The following CBLB variants were observed in gnomAD, a reference collection of about 807,000 sequenced individuals.
CBLB encodes the protein E3 ubiquitin-protein ligase CBL-B.
CBLB carries 31 observed loss-of-function variants against 104.9 expected under a neutral mutation model. The ratio of observed to expected loss-of-function variants is 0.30; its 90% CI spans 0.22 to 0.40. CBLB has a LOEUF of 0.40. CBLB is among the 10% of genes least tolerant of loss of function. The pLI is 1.00. For synonymous variants in CBLB, 440 were observed against 422.6 expected (o/e 1.04, Z -0.51); for missense variants, 1,062 against 1,214.6 (o/e 0.87, Z 1.87).
chr3:105,733,812 A>C (rs568859789), intron 9 of CBLB, among the ~76,000 whole-genome samples, 197 bp downstream of exon 9: 4 of 152,334 alleles, frequency 2.6e-5, no homozygotes, highest in African/African-American at 9.6e-5. Flanking sequence ...TAATATAATA[A>C]AATTTATACA....
At chr3:105,860,376 G>A (rs2091991189) in intron 2 of CBLB, among the ~76,000 whole-genome samples, 1 of 152,178 alleles carries the variant, frequency 6.6e-6, no homozygotes, top group Admixed American at 6.5e-5. Flanking sequence ...ATATGGAAGT[G>A]GAGGAGGGGA....
intron 3 of CBLB, 87 bp from the exon 4 acceptor site, chr3:105,776,629 A>G (rs1180925195): frequency 8.2e-7 from 1 of 1,220,704 alleles, no homozygotes; most frequent in Non-Finnish European, 1.2e-6. Context: ...TAAGACAAAC[A>G]ATGTTATGTA....
At chr3:105,689,788 A>G (rs2067445610) in intron 13 of CBLB, among the ~76,000 whole-genome samples, 1 of 151,922 alleles carries the variant, frequency 6.6e-6, no homozygotes, top group African/African-American at 2.4e-5. Context: ...AAAAATAATT[A>G]CCCATGTTTC....
chr3:105,869,244 C>T, upstream of CBLB: 1 of 693,000 alleles, frequency 1.4e-6, no homozygotes, highest in Admixed American at 2.3e-5. Context: ...GAATTGGACT[C>T]GGAGAGAAAT....
intron 13 of CBLB, among the ~76,000 whole-genome samples, chr3:105,685,941 T>A (rs2066944880): frequency 6.6e-6 from 1 of 152,154 alleles, no homozygotes; most frequent in Admixed American, 6.5e-5. Flanking sequence ...TGGAAAAATA[T>A]CCAGTTTAAT....
At chr3:105,840,519 A>C (rs2089385823) in intron 3 of CBLB, among the ~76,000 whole-genome samples, 1 of 152,220 alleles carries the variant, frequency 6.6e-6, no homozygotes, top group South Asian at 2.1e-4. Context: ...TCCCGAAACA[A>C]AGTTGAAAAA....
intron 4 of CBLB, among the ~76,000 whole-genome samples, chr3:105,754,864 T>A (rs1430845320): frequency 6.6e-6 from 1 of 152,198 alleles, no homozygotes; most frequent in Non-Finnish European, 1.5e-5. Flanking sequence ...GACTTTTTGT[T>A]AAAGTGATAG....
chr3:105,679,327 T>A (rs368528214), intron 16 of CBLB, among the ~76,000 whole-genome samples: 1 of 129,646 alleles, frequency 7.7e-6, no homozygotes, highest in Admixed American at 8.5e-5. Flanking sequence ...TTTCATTACC[T>A]TGAGTCTTTA....
chr3:105,854,751 GC>G (rs1577901723), intron 2 of CBLB, among the ~76,000 whole-genome samples: 1 of 152,138 alleles, frequency 6.6e-6, no homozygotes, highest in East Asian at 1.9e-4. Flanking sequence ...TCCTGCCTCA[GC>G]CTCCCAAGTA....
chr3:105,746,124 A>C (rs1331433646), intron 5 of CBLB, 86 bp from the exon 6 acceptor site: 2 of 911,626 alleles, frequency 2.2e-6, no homozygotes, highest in African/African-American at 3.4e-5. Context: ...TAATACACTT[A>C]ACATTATCTT....
chr3:105,860,938 G>A lies in CBLB; in HGVS notation c.168+6472C>T, dbSNP rs56256418. On this transcript the variant is annotated intron_variant, in intron 2 of 18. Transcript: ENST00000394030. ...AGAGGCTCTCAGGAAAAGACGTAGG[G>A]CTTTAATATTTTTTTAAATCTTTTA... Among the ~76,000 whole-genome samples the A allele has an allele frequency of 6.5e-3, 986 of 152,068 alleles. 12 individuals are homozygous for A. Among genetic ancestry groups the A allele is most frequent in the African/African-American group, 0.023 (945 of 41,474 alleles).
rs774461157 is a variant in CBLB, at chr3:105,751,459, T to C, written c.723+3A>G. On this transcript the variant is annotated splice_donor_region_variant and intron_variant, in intron 5 of 18. Coordinates refer to ENST00000394030, the MANE Select transcript of CBLB (RefSeq NM_170662.5). ...TGGATAGACTAAGCAAGTATAAACTTACCTGAAACAGCCTGGTAAAAATAT... is the reference window on the plus strand; with the variant it reads ...TGGATAGACTAAGCAAGTATAAACTCACCTGAAACAGCCTGGTAAAAATAT... 4 of 1,602,186 alleles carry C rather than the reference T, an allele frequency of 2.5e-6. No individual in the cohort carries two copies. The Admixed American group carries it at 6.7e-5, about 27-fold the overall frequency.
intron 18 of CBLB, among the ~76,000 whole-genome samples, chr3:105,664,774 G>A (rs1460994549): frequency 6.6e-6 from 1 of 152,090 alleles, no homozygotes; most frequent in Non-Finnish European, 1.5e-5. Flanking sequence ...AAGGTCATGT[G>A]AAAAATAATC....
chr3:105,677,399 T>A (rs1465177349), intron 17 of CBLB, among the ~76,000 whole-genome samples: 1 of 148,530 alleles, frequency 6.7e-6, no homozygotes, highest in East Asian at 2.0e-4. Context: ...ACATGACTAA[T>A]AATCAACTGA....
At chr3:105,844,913 A>C (rs993920382) in intron 3 of CBLB, among the ~76,000 whole-genome samples, 3 of 152,182 alleles carry the variant, frequency 2.0e-5, no homozygotes, top group Non-Finnish European at 4.4e-5. Context: ...CTGCCAAAGG[A>C]GCTTTCTTTA....
intron 9 of CBLB, among the ~76,000 whole-genome samples, chr3:105,722,393 T>C (rs1372305614): frequency 6.6e-6 from 1 of 152,124 alleles, no homozygotes; most frequent in African/African-American, 2.4e-5. Flanking sequence ...TAAATTTCTA[T>C]GTACCTATCA....
intron 7 of CBLB, among the ~76,000 whole-genome samples, chr3:105,738,719 A>G (rs2075214927): frequency 3.3e-5 from 5 of 152,134 alleles, no homozygotes; most frequent in Non-Finnish European, 7.4e-5. Flanking sequence ...TTTTCTTAAA[A>G]AAAATCTGTA....
rs1462826623 is a variant in CBLB at position 105,655,592 on chromosome 3, C to T, written c.*3378G>A. 5.4e-6 allele frequency: 1 copy of T among 183,898 alleles called. No homozygotes were observed. The highest frequency in any genetic ancestry group is 1.2e-5 in the Non-Finnish European group (1 of 86,686). The allele number at this position is 183,898 out of a possible 1,614,324, so 11.4% of individuals were successfully genotyped here. A position where few individuals can be genotyped will look rare whatever the true frequency, so the allele number is the denominator to read the frequency against. ...AACATATGACTATTTTGCCACATCA[C>T]ACAAGTTTTAAAAAGGCATTTTAAA... On this transcript the variant is annotated 3_prime_UTR_variant, in exon 19 of 19. Coordinates refer to ENST00000394030, the MANE Select transcript of CBLB (RefSeq NM_170662.5).
At chr3:105,869,055 G>T, upstream of CBLB, 1 of 1,081,874 alleles carries the variant, frequency 9.2e-7, no homozygotes, top group Non-Finnish European at 1.1e-6. Flanking sequence ...CTCGGGGCGG[G>T]GCGGGGCGGG....
Sources: gnomAD v4.1 joint callset for allele counts (sites outside exome capture counted in the v4.1 genomes callset) on GRCh38, gnomAD v4.1.1 for gene constraint, MANE v1.5 for transcripts, NCBI Gene and HGNC (gene_info 2026-07-23, HGNC 2026-07-21) for gene names.